The following ADAMTS1 variants were observed in gnomAD, a reference collection of about 807,000 sequenced individuals.
The protein encoded by ADAMTS1 is ADAM metallopeptidase with thrombospondin type 1 motif 1.
Under a neutral mutation model 87.9 loss-of-function variants are expected in ADAMTS1, and 19 were observed. That is an observed-to-expected ratio of 0.22 (90% confidence interval 0.15 to 0.32). The LOEUF (loss-of-function observed/expected upper bound fraction) is 0.32. Among genes scored for constraint, ADAMTS1 ranks in the 10% least tolerant of loss-of-function variants. The pLI is 1.00. For synonymous variants in ADAMTS1, 542 were observed against 501.8 expected (o/e 1.08, Z -1.07); for missense variants, 1,240 against 1,259.1 (o/e 0.98, Z 0.23).
At position 26,837,787 on chromosome 21, in the gene ADAMTS1, G is replaced by A; in HGVS notation, c.2696C>T (p.Ala899Val). 6.2e-7 allele frequency: 1 copy of A among 1,614,148 alleles called. No homozygotes were observed. Among genetic ancestry groups the A allele is most frequent in the Non-Finnish European group, 8.5e-7 (1 of 1,180,040 alleles). The change falls in exon 9 of 9, where the codon GCC (alanine) becomes GTC (valine). Residue 899 changes from alanine (A) to valine (V), a missense_variant. By Grantham distance (64) the Ala-to-Val change is moderately conservative (BLOSUM62 0). This residue lies in a region of ADAMTS1 where 402 missense variants were observed against 399.1 expected (regional missense o/e 1.01). Coordinates refer to ENST00000284984, the MANE Select transcript of ADAMTS1 (RefSeq NM_006988.5). ...ASECAKEVKP[A>V]STRPCADHPC... is the part of the protein sequence containing the mutation. Reference sequence around the variant, plus strand: ...ATGGTCTGCACAAGGTCTGGTGCTGGCTGGCTTCACTTCCTTTGCACACTC... The same window carrying A: ...ATGGTCTGCACAAGGTCTGGTGCTGACTGGCTTCACTTCCTTTGCACACTC...
intron 3 of ADAMTS1, 107 bp downstream of exon 3, chr21:26,841,751 C>G: frequency 7.9e-7 from 1 of 1,258,894 alleles, no homozygotes; most frequent in Non-Finnish European, 1.1e-6. Context: ...TTCTAAGATG[C>G]ACTAGGACCT....
chr21:26,840,499 G>C lies in ADAMTS1; in HGVS notation c.1442C>G (p.Ser481Trp). The change falls in exon 5 of 9, where the codon TCG becomes TGG. Residue 481 changes from serine to tryptophan, a missense_variant. Ser to Trp is a radical substitution (Grantham distance 177). This residue lies in a region of ADAMTS1 where 317 missense variants were observed against 410.3 expected (regional missense o/e 0.77). Coordinates refer to ENST00000284984, the MANE Select transcript of ADAMTS1 (RefSeq NM_006988.5). ...IQLPGDLPGT[S>W]YDANRQCQFT... is the part of the protein sequence containing the mutation. The stretch of plus-strand genomic sequence containing the variant: ...CTGGCACTGCCGGTTGGCATCGTAC[G>C]AGGTGCCAGGGAGATCGCCTGGGAG... 6.2e-7 allele frequency: 1 copy of C among 1,614,228 alleles called. No homozygotes were observed. The highest frequency in any genetic ancestry group is 2.2e-5 in the East Asian group (1 of 44,890).
At chr21:26,841,761 T>C in intron 3 of ADAMTS1, 97 bp downstream of exon 3, 2 of 1,401,276 alleles carry the variant, frequency 1.4e-6, no homozygotes, top group South Asian at 3.1e-5. Context: ...CACTAGGACC[T>C]AAAATAGCAA....
chr21:26,842,969 C>T (rs929133605), intron 1 of ADAMTS1: 16 of 422,572 alleles, frequency 3.8e-5, no homozygotes, highest in African/African-American at 2.8e-4. Context: ...CTGAACAAGG[C>T]AATTTCGCAC....
chr21:26,844,135 G>T, intron 1 of ADAMTS1, 90 bp downstream of exon 1: 1 of 1,451,738 alleles, frequency 6.9e-7, no homozygotes, highest in Non-Finnish European at 9.1e-7. Flanking sequence ...GATCCTGCCT[G>T]CCAGCAGGAG....
Position 26,835,827 on chromosome 21 carries a change from C to G in ADAMTS1, c.*1752G>C, listed in dbSNP as rs753957824. On this transcript the variant is annotated 3_prime_UTR_variant, in exon 9 of 9. Transcript: ENST00000284984. ...CTGAATCTGCAGAACAAATCTGACC[C>G]ATTATTTGTTTTTGCAAGTAGTTTT... 5.3e-5 allele frequency: 8 copies of G among 152,160 alleles called. No individual in the cohort carries two copies. Among genetic ancestry groups the G allele is most frequent in the Non-Finnish European group, 1.0e-4 (7 of 68,028 alleles). The allele number at this position is 152,160 out of a possible 1,614,324, so 9.4% of individuals were successfully genotyped here.
In ADAMTS1 at chr21:26,836,467, A is replaced by C. The variant is rs768112159; in HGVS notation, c.*1112T>G. The C allele has an allele frequency of 6.6e-6, 1 of 152,624 alleles. No homozygotes were observed. Among genetic ancestry groups the C allele is most frequent in the Non-Finnish European group, 1.5e-5 (1 of 68,038 alleles). 9.5% of individuals were successfully genotyped at this position (152,624 alleles called of 1,614,324 possible). A position where few individuals can be genotyped will look rare whatever the true frequency, so the allele number is the denominator to read the frequency against. Reference sequence around the variant, plus strand: ...AGTCCTTCTTGGAAGGAACACCCAAACCAATACTTATAAAGTACATGTAAT... The same window carrying C: ...AGTCCTTCTTGGAAGGAACACCCAACCCAATACTTATAAAGTACATGTAAT... On this transcript the variant is annotated 3_prime_UTR_variant, in exon 9 of 9. Transcript: ENST00000284984.
rs777548139 is a variant in ADAMTS1, at chr21:26,844,554, C to T, written c.401G>A (p.Ser134Asn). The change falls in exon 1 of 9, where the codon AGC becomes AAC. Residue 134 changes from serine to asparagine, a missense_variant. Physicochemically the swap from Ser to Asn is conservative, Grantham distance 46. Coordinates refer to ENST00000284984, the MANE Select transcript of ADAMTS1 (RefSeq NM_006988.5). ...GCAGAGGCTGAGGGCGGCAGCCGAG[C>T]TGGGATCGCCATTCACGGTGCCGGA... ...FYSGTVNGDP[S>N]SAAALSLCEG... The T allele has an allele frequency of 1.2e-6, 2 of 1,609,682 alleles. No homozygotes were observed. Among genetic ancestry groups the T allele is most frequent in the Middle Eastern group, 1.7e-4 (1 of 6,056 alleles).
In ADAMTS1 at chr21:26,837,645, C is replaced by T; in HGVS notation, c.2838G>A (p.Glu946=). ...TAGGTTTCTTTAAAGGATCACAGCT[C>T]TCATGAGATAACACCCCTCCATCAT... is the stretch of plus-strand genomic sequence containing the variant. The part of the protein sequence containing the change: ...LSHDGGVLSH[E]SCDPLKKPKH... The change falls in exon 9 of 9, where the codon GAG becomes GAA. Residue 946 remains glutamate (E), a synonymous_variant. Coordinates refer to ENST00000284984, the MANE Select transcript of ADAMTS1 (RefSeq NM_006988.5). 1 of 1,614,230 alleles carries T rather than the reference C, an allele frequency of 6.2e-7. No homozygotes were observed. Among genetic ancestry groups the T allele is most frequent in the Non-Finnish European group, 8.5e-7 (1 of 1,180,048 alleles).
At chr21:26,840,216 TATCTTTTACC>T in intron 5 of ADAMTS1, 50 bp downstream of exon 5, 1 of 1,576,612 alleles carries the variant, frequency 6.3e-7, no homozygotes, top group Non-Finnish European at 8.6e-7. Context: ...CTTGGTATCA[TATCTTTTACC>T]ATCACTTTGT....
intron 3 of ADAMTS1, 117 bp from the exon 4 acceptor site, chr21:26,841,282 C>A: frequency 9.6e-7 from 1 of 1,046,764 alleles, no homozygotes. Context: ...AGTTCAAGAC[C>A]AGCATGGCCA....
At position 26,839,746 on chromosome 21, in the gene ADAMTS1, C is replaced by T. The variant is rs775642683; in HGVS notation, c.1869G>A (p.Glu623=). ...CPDNNGKTFR[E]EQCEAHNEFS... is the part of the protein sequence containing the mutation. ...ACTCGTTGTGTGCTTCACATTGTTC[C>T]TCTCTAAAGGTTTTTCCTGGAAAGA... The change falls in exon 7 of 9, where the codon GAG becomes GAA. Residue 623 remains glutamate (E), a synonymous_variant. Transcript: ENST00000284984. 2.0e-5 allele frequency: 33 copies of T among 1,610,420 alleles called. No individual in the cohort carries two copies. In the East Asian group the frequency reaches 7.1e-4, roughly 35 times the overall value.
chr21:26,838,748 T>A, intron 7 of ADAMTS1, 134 bp from the exon 8 acceptor site: 4 of 809,828 alleles, frequency 4.9e-6, no homozygotes, highest in Non-Finnish European at 7.5e-6. Flanking sequence ...ATTATGCATT[T>A]CATGCATTTA....
At position 26,844,692 on chromosome 21, in the gene ADAMTS1, TC is replaced by T; in HGVS notation, c.262del (p.Glu88SerfsTer42). 6.3e-7 allele frequency: 1 copy of T among 1,593,524 alleles called. No individual in the cohort carries two copies. The highest frequency in any genetic ancestry group is 8.5e-7 in the Non-Finnish European group (1 of 1,170,560). ...LHAFDQQLDL[E>X]LRPDSSFLAP... Reference sequence around the variant, plus strand: ...CAAAAAGCTGCTGTCGGGCCGCAGCTCCAGATCCAGCTGCTGGTCAAAGGCG... The same window carrying T: ...CAAAAAGCTGCTGTCGGGCCGCAGCTCAGATCCAGCTGCTGGTCAAAGGCG... On this transcript the variant is annotated frameshift_variant, in exon 1 of 9. Coordinates refer to ENST00000284984, the MANE Select transcript of ADAMTS1 (RefSeq NM_006988.5). LOFTEE classifies it high-confidence loss of function.
chr21:26,842,500 C>T lies in ADAMTS1; in HGVS notation c.916G>A (p.Val306Met), dbSNP rs1461105281. ...TCGTGGATGACCAAGATCTTCACCACCACCAGGCTAACTGAATTACGAATG... is the reference window on the plus strand; with the variant it reads ...TCGTGGATGACCAAGATCTTCACCATCACCAGGCTAACTGAATTACGAATG... ...PSIRNSVSLV[V>M]VKILVIHDEQ... The change falls in exon 2 of 9, where the codon GTG becomes ATG. Residue 306 changes from valine to methionine, a missense_variant. Coordinates refer to ENST00000284984, the MANE Select transcript of ADAMTS1 (RefSeq NM_006988.5). The T allele has an allele frequency of 7.4e-6, 12 of 1,614,196 alleles. No homozygotes were observed. The highest frequency in any genetic ancestry group is 1.0e-5 in the Non-Finnish European group (12 of 1,180,048).
At chr21:26,838,664 T>A in intron 7 of ADAMTS1, 50 bp from the exon 8 acceptor site, 3 of 1,556,440 alleles carry the variant, frequency 1.9e-6, no homozygotes, top group Non-Finnish European at 2.6e-6. Context: ...AGGAAGGAGA[T>A]GCTGCAATGA....
At position 26,845,124 on chromosome 21, in the gene ADAMTS1, T is replaced by A; in HGVS notation, c.-170A>T. On this transcript the variant is annotated 5_prime_UTR_variant, in exon 1 of 9. Coordinates refer to ENST00000284984, the MANE Select transcript of ADAMTS1 (RefSeq NM_006988.5). ...CTACAGCCGAAGCTCCCGGAGTCACTAAAAGGAGGCGCTGCAGTTCTGCCG... is the reference window on the plus strand; with the variant it reads ...CTACAGCCGAAGCTCCCGGAGTCACAAAAAGGAGGCGCTGCAGTTCTGCCG... The A allele has an allele frequency of 1.0e-6, 1 of 962,288 alleles. No homozygotes were observed. Among genetic ancestry groups the A allele is most frequent in the Non-Finnish European group, 1.4e-6 (1 of 731,768 alleles). The allele number at this position is 962,288 out of a possible 1,614,324, so 59.6% of individuals were successfully genotyped here.
In ADAMTS1 at chr21:26,842,309, G is replaced by T. The variant is rs780126784; in HGVS notation, c.1077+30C>A. 3.8e-6 allele frequency: 6 copies of T among 1,597,824 alleles called. No individual in the cohort carries two copies. The South Asian group carries it at 6.8e-5, about 18-fold the overall frequency. On this transcript the variant is annotated intron_variant, in intron 2 of 8. Transcript: ENST00000284984. ...TACAACGTAGACTCCTAAGAGGACAGTCTCACAGCTGGTACCATCTTCCTC... is the reference window on the plus strand; with the variant it reads ...TACAACGTAGACTCCTAAGAGGACATTCTCACAGCTGGTACCATCTTCCTC...
intron 7 of ADAMTS1, 75 bp from the exon 8 acceptor site, chr21:26,838,689 TTCTC>T: frequency 8.4e-6 from 12 of 1,430,790 alleles, no homozygotes; most frequent in Non-Finnish European, 1.1e-5. Context: ...TGTAAACATT[TTCTC>T]TCTACTTTCC....
Sources: allele counts gnomAD v4.1 joint callset, GRCh38; gene constraint gnomAD v4.1.1; regional missense constraint gnomAD v4.1.1; transcripts MANE v1.5; gene names NCBI Gene and HGNC (gene_info 2026-07-23, HGNC 2026-07-21).